SH3BP4: variants seen among roughly 807,000 people sequenced by gnomAD.
The protein encoded by SH3BP4 is SH3 domain binding protein 4.
SH3BP4 carries 33 observed loss-of-function variants against 65.5 expected under a neutral mutation model. The observed-to-expected ratio is 0.50, with a 90% confidence interval of 0.38 to 0.67. The LOEUF (loss-of-function observed/expected upper bound fraction) is 0.67, where lower values mean the gene tolerates loss of function less well. SH3BP4 is among the 30% of genes least tolerant of loss of function. The pLI is 0.00. For missense variants in SH3BP4, 1,134 were observed against 1,261.4 expected (o/e 0.90, Z 1.53); for synonymous variants, 552 against 545.5 (o/e 1.01, Z -0.17).
chr2:234,973,272 G>A (rs746711720), intron 1 of SH3BP4, among the ~76,000 whole-genome samples: 49 of 152,280 alleles, frequency 3.2e-4, no homozygotes, highest in Non-Finnish European at 6.3e-4. Context: ...CTGGTGGGAG[G>A]TGGAAGGCCA....
At position 235,041,519 on chromosome 2, in the gene SH3BP4, C is replaced by G. The variant is rs1376410060; in HGVS notation, c.750C>G (p.Leu250=). 1 of 1,614,168 alleles carries G rather than the reference C, an allele frequency of 6.2e-7. No homozygotes were observed. Among genetic ancestry groups the G allele is most frequent in the South Asian group, 1.1e-5 (1 of 91,082 alleles). ...AGCGCTCCTACAGTCTCTCGGAACT[C>G]TCCGTCCTCCAAGCCAAGTCCGATG... The part of the protein sequence containing the change: ...RSKRSYSLSE[L]SVLQAKSDAP... Residue 250 remains leucine, a synonymous_variant, in exon 4 of 6, where the codon CTC becomes CTG. Transcript: ENST00000392011. The surrounding 1 kb of genome is among the most constrained non-coding windows in gnomAD (Gnocchi z 6.0).
chr2:234,977,664 A>G lies in SH3BP4; in HGVS notation c.-206-17639A>G, dbSNP rs1235452441. Among the ~76,000 whole-genome samples, 2 of 152,084 alleles carry G rather than the reference A, an allele frequency of 1.3e-5. No homozygotes were observed. Among genetic ancestry groups the G allele is most frequent in the African/African-American group, 2.4e-5 (1 of 41,410 alleles). On this transcript the variant is annotated intron_variant, in intron 1 of 5. Transcript: ENST00000392011. This position sits in a 1 kb window ranked among gnomAD's most constrained non-coding sequence, Gnocchi z 5.1. ...ACAGGATGAGAGTGTCTCTCCCCCA[A>G]AGAGGGCTGGTTCAAGTATGAATAT... is the stretch of plus-strand genomic sequence containing the variant.
chr2:235,042,414 G>A lies in SH3BP4; in HGVS notation c.1645G>A (p.Glu549Lys), dbSNP rs376577753. The A allele has an allele frequency of 2.0e-5, 33 of 1,614,036 alleles. No individual in the cohort carries two copies. The highest frequency in any genetic ancestry group is 2.5e-5 in the Non-Finnish European group (30 of 1,180,048). The change falls in exon 4 of 6, where the codon GAG becomes AAG. Residue 549 changes from glutamate to lysine, a missense_variant. Coordinates refer to ENST00000392011, the MANE Select transcript of SH3BP4 (RefSeq NM_014521.3). This position sits in a 1 kb window ranked among gnomAD's most constrained non-coding sequence, Gnocchi z 7.3. ...VCMFSNMTNYEVKASEQAKVV... is the reference protein window; with the variant it reads ...VCMFSNMTNYKVKASEQAKVV... ...TATGTTTTCCAATATGACGAATTAC[G>A]AGGTCAAAGCCAGCGAGCAGGCCAA...
intron 4 of SH3BP4, among the ~76,000 whole-genome samples, chr2:235,044,719 G>A (rs1009409572): frequency 2.0e-5 from 3 of 152,256 alleles, no homozygotes; most frequent in African/African-American, 7.2e-5. Flanking sequence ...TGTAGACACA[G>A]GTGTGCAGGC....
Position 235,052,831 on chromosome 2 carries a change from G to GT in SH3BP4, c.2667+82dup. 1.5e-6 allele frequency: 2 copies of GT among 1,347,170 alleles called. No individual in the cohort carries two copies. Among genetic ancestry groups the GT allele is most frequent in the Non-Finnish European group, 2.0e-6 (2 of 1,002,226 alleles). The allele number at this position is 1,347,170 out of a possible 1,614,324, so 83.5% of individuals were successfully genotyped here. On this transcript the variant is annotated intron_variant, in intron 5 of 5. Transcript: ENST00000392011. The surrounding 1 kb of genome is among the most constrained non-coding windows in gnomAD (Gnocchi z 5.0). ...GACCCATGCAGTGCAGCCATAAAAA[G>GT]TCTTGCCTCGCGGCATTTCTGTGAG...
At chr2:235,049,260 T>TTGGGGACCTGTGCCCAGTTCCCC (rs1267692477) in intron 4 of SH3BP4, among the ~76,000 whole-genome samples, 3 of 152,198 alleles carry the variant, frequency 2.0e-5, no homozygotes, top group Non-Finnish European at 4.4e-5. Context: ...TCCCAGGACC[T>TTGGGGACCTGTGCCCAGTTCCCC]TGGGGACCTG....
chr2:234,987,568 C>A (rs1001124654), intron 1 of SH3BP4, among the ~76,000 whole-genome samples: 1 of 152,188 alleles, frequency 6.6e-6, no homozygotes, highest in African/African-American at 2.4e-5. Context: ...CGCCTCCCCC[C>A]AACATGGGCG....
chr2:234,970,475 C>T (rs1398123263), intron 1 of SH3BP4, among the ~76,000 whole-genome samples: 2 of 152,186 alleles, frequency 1.3e-5, no homozygotes, highest in Admixed American at 6.5e-5. Context: ...TAGACAGTTA[C>T]CTCCTTTGGA....
chr2:234,990,580 G>A (rs114012256), intron 1 of SH3BP4, among the ~76,000 whole-genome samples: 9 of 152,336 alleles, frequency 5.9e-5, no homozygotes, highest in Non-Finnish European at 8.8e-5. Flanking sequence ...GCTCTGCAGC[G>A]TGGACCAGCT....
In SH3BP4 at chr2:235,030,043, A is replaced by G. The variant is rs1360575437; in HGVS notation, c.-132-4828A>G. Among the ~76,000 whole-genome samples the G allele has an allele frequency of 6.6e-6, 1 of 152,216 alleles. No individual in the cohort carries two copies. Among genetic ancestry groups the G allele is most frequent in the African/African-American group, 2.4e-5 (1 of 41,452 alleles). ...ATTGATTGAAGGGTTGAGATCGGCA[A>G]TATGTAACCCTGGAGGTACAGGTGG... On this transcript the variant is annotated intron_variant, in intron 2 of 5. Coordinates refer to ENST00000392011, the MANE Select transcript of SH3BP4 (RefSeq NM_014521.3). This position sits in a 1 kb window ranked among gnomAD's most constrained non-coding sequence, Gnocchi z 4.1.
rs1282788519 is a variant in SH3BP4 at position 234,997,999 on chromosome 2, T to C, written c.-133+2623T>C. ...TTAGCCGGGCGTGGTGGTGGGCGCC[T>C]ATAGTCCCAGCTACTTGGGAGGCTG... On this transcript the variant is annotated intron_variant, in intron 2 of 5. Transcript: ENST00000392011. This position sits in a 1 kb window ranked among gnomAD's most constrained non-coding sequence, Gnocchi z 4.2. Among the ~76,000 whole-genome samples, 1 of 151,862 alleles carries C rather than the reference T, an allele frequency of 6.6e-6. No individual in the cohort carries two copies. Among genetic ancestry groups the C allele is most frequent in the Admixed American group, 6.6e-5 (1 of 15,236 alleles).
chr2:235,014,710 C>A (rs1694632359), intron 2 of SH3BP4, among the ~76,000 whole-genome samples: 1 of 152,120 alleles, frequency 6.6e-6, no homozygotes, highest in South Asian at 2.1e-4. Flanking sequence ...ATCACCTTTC[C>A]TTGTTTGCAT....
intron 1 of SH3BP4, among the ~76,000 whole-genome samples, chr2:234,959,680 A>C (rs1349048443): frequency 1.4e-5 from 2 of 145,222 alleles, no homozygotes; most frequent in African/African-American, 2.6e-5. Flanking sequence ...TTGAGACGGA[A>C]TCTCACTCTT....
rs963910652 is a variant in SH3BP4 at position 234,952,759 on chromosome 2, G to A, written c.-207+589G>A. The A allele has an allele frequency of 6.6e-6, 1 of 152,274 alleles. No individual in the cohort carries two copies. The highest frequency in any genetic ancestry group is 6.5e-5 in the Admixed American group (1 of 15,290). The allele number at this position is 152,274 out of a possible 1,614,324, so 9.4% of individuals were successfully genotyped here. A position where few individuals can be genotyped will look rare whatever the true frequency, so the allele number is the denominator to read the frequency against. On this transcript the variant is annotated intron_variant, in intron 1 of 5. Coordinates refer to ENST00000392011, the MANE Select transcript of SH3BP4 (RefSeq NM_014521.3). The surrounding 1 kb of genome is among the most constrained non-coding windows in gnomAD (Gnocchi z 6.5). ...AATTGAAAACTCCGGTTTCTGGCTT[G>A]GCGATCGGGTGACCGAGCAGCCGCG... is the stretch of plus-strand genomic sequence containing the variant.
chr2:234,980,046 T>C (rs1285125315), intron 1 of SH3BP4: 2 of 152,244 alleles, frequency 1.3e-5, no homozygotes, highest in Non-Finnish European at 2.9e-5. Context: ...AGCTAATACA[T>C]AGTCTTGCAA....
In SH3BP4 at chr2:235,036,740, A is replaced by AAAAAAAAAAATAATAATAATAAT. The variant is rs146049108; in HGVS notation, c.118+1622_118+1623insAAAAAAAATAATAATAATAATAA. 7.3e-4 allele frequency among the ~76,000 whole-genome samples: 104 copies of AAAAAAAAAAATAATAATAATAAT among 141,760 alleles called. No homozygotes were observed. The Middle Eastern group carries it at 0.018, about 25-fold the overall frequency. The allele number at this position is 141,760 out of a possible 152,430, so 93.0% of individuals were successfully genotyped here. A position where few individuals can be genotyped will look rare whatever the true frequency, so the allele number is the denominator to read the frequency against. ...ACTGCACTCTGAGACTCTATATAAA[A>AAAAAAAAAAATAATAATAATAAT]AATAATAATAATAATAATGACAGTG... On this transcript the variant is annotated intron_variant, in intron 3 of 5. Coordinates refer to ENST00000392011, the MANE Select transcript of SH3BP4 (RefSeq NM_014521.3).
Position 235,038,381 on chromosome 2 carries a change from ATATAT to A in SH3BP4, c.119-2506_119-2502del, listed in dbSNP as rs1695515611. On this transcript the variant is annotated intron_variant, in intron 3 of 5. Coordinates refer to ENST00000392011, the MANE Select transcript of SH3BP4 (RefSeq NM_014521.3). The stretch of plus-strand genomic sequence containing the variant: ...ATATATATATAATATATATACATAT[ATATAT>A]ATATATATATATATATATATATATA... Among the ~76,000 whole-genome samples the A allele has an allele frequency of 2.7e-4, 11 of 40,426 alleles. 1 individual carries two copies. The highest frequency in any genetic ancestry group is 1.3e-3 in the African/African-American group (10 of 7,748). The allele number at this position is 40,426 out of a possible 152,430, so 26.5% of individuals were successfully genotyped here.
chr2:235,035,260 T>C lies in SH3BP4; in HGVS notation c.118+140T>C. On this transcript the variant is annotated intron_variant, in intron 3 of 5. Coordinates refer to ENST00000392011, the MANE Select transcript of SH3BP4 (RefSeq NM_014521.3). This position sits in a 1 kb window ranked among gnomAD's most constrained non-coding sequence, Gnocchi z 5.0. ...TTTAGTTCTTTAAACTTCATCATGG[T>C]AATAGATTTAGCCCTGGAATCATAG... The C allele has an allele frequency of 2.8e-6, 2 of 724,168 alleles. No homozygotes were observed. Among genetic ancestry groups the C allele is most frequent in the Non-Finnish European group, 2.4e-6 (1 of 412,232 alleles). 44.9% of individuals were successfully genotyped at this position (724,168 alleles called of 1,614,324 possible). A position where few individuals can be genotyped will look rare whatever the true frequency, so the allele number is the denominator to read the frequency against.
Position 235,031,068 on chromosome 2 carries a change from C to G in SH3BP4, c.-132-3803C>G, listed in dbSNP as rs144369473. ...ATTGAGGACCACAGGACACACGTCT[C>G]CCACCTGCTATGTGGAGGGGAGGGC... is the stretch of plus-strand genomic sequence containing the variant. On this transcript the variant is annotated intron_variant, in intron 2 of 5. Coordinates refer to ENST00000392011, the MANE Select transcript of SH3BP4 (RefSeq NM_014521.3). Among the ~76,000 whole-genome samples the G allele has an allele frequency of 2.2e-3, 333 of 152,224 alleles. 1 individual carries two copies. The highest frequency in any genetic ancestry group is 7.6e-3 in the African/African-American group (315 of 41,528).
Sources: allele counts gnomAD v4.1 joint callset (sites outside exome capture counted in the v4.1 genomes callset), GRCh38; gene constraint gnomAD v4.1.1; non-coding constraint Gnocchi (gnomAD v3.1); transcripts MANE v1.5; gene names NCBI Gene and HGNC (gene_info 2026-07-23, HGNC 2026-07-21).